The following PARD3B variants were observed in gnomAD, a reference collection of about 807,000 sequenced individuals.
The protein encoded by PARD3B is par-3 family cell polarity regulator beta, also known as partitioning defective 3 homolog B.
In PARD3B, 103 loss-of-function variants were observed where a neutral mutation model predicts 130.2. That is an observed-to-expected ratio of 0.79 (90% confidence interval 0.67 to 0.93). PARD3B has a LOEUF of 0.93. PARD3B is among the 40% of genes least tolerant of loss of function. The pLI, the probability that PARD3B is intolerant of heterozygous loss-of-function variation, is 0.00. For missense variants in PARD3B, 1,609 were observed against 1,499.2 expected, an observed-to-expected ratio of 1.07 and a Z score of -1.21; for synonymous variants, 583 against 553.2, an observed-to-expected ratio of 1.05 and a Z score of -0.76.
intron 22 of PARD3B, among the ~76,000 whole-genome samples, chr2:205,612,675 GCTAA>G (rs1292169512): frequency 2.0e-5 from 3 of 152,108 alleles, no homozygotes; most frequent in Non-Finnish European, 4.4e-5. Context: ...AATTAAAAAT[GCTAA>G]CTGTTATGAT....
chr2:205,506,707 A>G (rs1299676470), intron 21 of PARD3B, among the ~76,000 whole-genome samples: 2 of 152,246 alleles, frequency 1.3e-5, no homozygotes, highest in Non-Finnish European at 2.9e-5. Context: ...CAATGGTCCA[A>G]TACCAGAGTG....
chr2:205,174,476 G>A (rs959502987), intron 12 of PARD3B, among the ~76,000 whole-genome samples: 1 of 152,268 alleles, frequency 6.6e-6, no homozygotes, highest in South Asian at 2.1e-4. Context: ...GAAGACTAAT[G>A]TACAGTTTAT....
chr2:204,920,581 G>T (rs548075581), intron 2 of PARD3B, among the ~76,000 whole-genome samples: 1 of 152,218 alleles, frequency 6.6e-6, no homozygotes, highest in South Asian at 2.1e-4. Flanking sequence ...AAGAATTATT[G>T]TATTTGATTA....
intron 1 of PARD3B, among the ~76,000 whole-genome samples, chr2:204,676,229 T>C (rs988313396): frequency 4.6e-5 from 7 of 151,780 alleles, no homozygotes; most frequent in African/African-American, 9.7e-5. Context: ...GGCTTTTTTT[T>C]CCCCCCTACC....
At chr2:205,286,225 G>T (rs550317247) in intron 16 of PARD3B, among the ~76,000 whole-genome samples, 1 of 152,126 alleles carries the variant, frequency 6.6e-6, no homozygotes, top group South Asian at 2.1e-4. Flanking sequence ...ACTTAGACAA[G>T]TTACTTTATC....
chr2:205,248,096 CTTTTAT>C (rs1281440728), intron 16 of PARD3B, among the ~76,000 whole-genome samples: 1 of 151,810 alleles, frequency 6.6e-6, no homozygotes, highest in Non-Finnish European at 1.5e-5. Context: ...GCCCAGCTAA[CTTTTAT>C]TTTTATTTTT....
intron 22 of PARD3B, among the ~76,000 whole-genome samples, chr2:205,607,128 C>T (rs2055029212): frequency 6.6e-6 from 1 of 152,138 alleles, no homozygotes; most frequent in Non-Finnish European, 1.5e-5. Context: ...AAGAAAGGCA[C>T]CTCAAGGTCT....
rs779436351 is a variant in PARD3B, at chr2:205,498,242, C to T, written c.3045-1654C>T. ...ACAGGCCAGGCGTGGTGGCTCACGC[C>T]TGTAATCCCAGTACTTTGGGAGGCC... On this transcript the variant is annotated intron_variant, in intron 20 of 22. Transcript: ENST00000406610. 6.1e-5 allele frequency among the ~76,000 whole-genome samples: 9 copies of T among 148,746 alleles called. No individual in the cohort carries two copies. The Admixed American group carries it at 6.1e-4, about 10-fold the overall frequency.
intron 15 of PARD3B, among the ~76,000 whole-genome samples, chr2:205,212,217 C>T (rs987995044): frequency 2.6e-5 from 4 of 151,832 alleles, no homozygotes; most frequent in South Asian, 2.1e-4. Flanking sequence ...AACAGATTGG[C>T]GGTTTTAGTA....
At chr2:204,885,247 C>A (rs1437097400) in intron 2 of PARD3B, among the ~76,000 whole-genome samples, 1 of 152,096 alleles carries the variant, frequency 6.6e-6, no homozygotes, top group East Asian at 1.9e-4. Flanking sequence ...GAGCTTTTTT[C>A]ATCTATTTGT....
intron 3 of PARD3B, among the ~76,000 whole-genome samples, chr2:204,977,134 G>C (rs1024743925): frequency 2.0e-5 from 3 of 152,174 alleles, no homozygotes; most frequent in African/African-American, 7.2e-5. Context: ...ACATTAATCA[G>C]AATAGTATAA....
intron 2 of PARD3B, among the ~76,000 whole-genome samples, chr2:204,753,522 C>T (rs944093110): frequency 6.8e-5 from 10 of 146,608 alleles, no homozygotes; most frequent in South Asian, 2.1e-4. Flanking sequence ...TATAAATAAA[C>T]GGAACCCCCC....
intron 21 of PARD3B, among the ~76,000 whole-genome samples, chr2:205,551,801 C>T (rs762560823): frequency 3.0e-4 from 46 of 152,208 alleles, no homozygotes; most frequent in Non-Finnish European, 4.3e-4. Flanking sequence ...GGTTGATTAC[C>T]GCCTAGAAAA....
chr2:205,235,278 C>T (rs914148293), intron 15 of PARD3B, among the ~76,000 whole-genome samples: 5 of 152,038 alleles, frequency 3.3e-5, no homozygotes, highest in Admixed American at 6.6e-5. Context: ...AAAAGTTAGT[C>T]GGGCATGGTG....
intron 4 of PARD3B, among the ~76,000 whole-genome samples, chr2:205,053,383 A>G (rs1699367344): frequency 6.6e-6 from 1 of 152,070 alleles, no homozygotes; most frequent in South Asian, 2.1e-4. Flanking sequence ...CATGCCTGTA[A>G]TCCCAGCACT....
At chr2:205,353,144 T>C (rs1354528453) in intron 18 of PARD3B, among the ~76,000 whole-genome samples, 1 of 152,084 alleles carries the variant, frequency 6.6e-6, no homozygotes, top group Non-Finnish European at 1.5e-5. Flanking sequence ...GTTCCACAAA[T>C]TAACTATAAA....
At chr2:204,611,712 A>T (rs386466500) in intron 1 of PARD3B, among the ~76,000 whole-genome samples, 1 of 152,168 alleles carries the variant, frequency 6.6e-6, no homozygotes, top group African/African-American at 2.4e-5. Flanking sequence ...ATATACATGT[A>T]TGGACTAATT....
At position 205,241,462 on chromosome 2, in the gene PARD3B, T is replaced by G. The variant is rs1426915628; in HGVS notation, c.2141-4316T>G. Among the ~76,000 whole-genome samples the G allele has an allele frequency of 1.3e-5, 2 of 152,204 alleles. No homozygotes were observed. The highest frequency in any genetic ancestry group is 4.8e-5 in the African/African-American group (2 of 41,472). ...CAGCTTCAGAAACCTGAGCATTTCA[T>G]TGGTATCTCTTCAATTATTGTAATA... On this transcript the variant is annotated intron_variant, in intron 15 of 22. Coordinates refer to ENST00000406610, the MANE Select transcript of PARD3B (RefSeq NM_001302769.2). This position sits in a 1 kb window ranked among gnomAD's most constrained non-coding sequence, Gnocchi z 4.2.
At chr2:205,487,562 T>G (rs2049494397) in intron 20 of PARD3B, among the ~76,000 whole-genome samples, 1 of 152,212 alleles carries the variant, frequency 6.6e-6, no homozygotes. Context: ...TTTCTTATTA[T>G]CTGTAAGGAA....
Sources: gnomAD v4.1 joint callset for allele counts (sites outside exome capture counted in the v4.1 genomes callset) on GRCh38, gnomAD v4.1.1 for gene constraint, Gnocchi (gnomAD v3.1) non-coding constraint, MANE v1.5 for transcripts, NCBI Gene and HGNC (gene_info 2026-07-23, HGNC 2026-07-21) for gene names.